Variants in BDKRB2 observed in about 807,000 individuals in gnomAD.
BDKRB2 encodes the protein bradykinin receptor B2, also known as B2 bradykinin receptor.
BDKRB2 carries 6 observed loss-of-function variants against 4.0 expected under a neutral mutation model. The observed-to-expected ratio is 1.49, with a 90% CI of 0.81 to 2.93. The LOEUF (loss-of-function observed/expected upper bound fraction) is 2.93, where lower values mean the gene tolerates loss of function less well. BDKRB2 is among the 30% of genes most tolerant of loss of function. The pLI is 0.00. For synonymous variants in BDKRB2, 225 were observed against 215.3 expected, an observed-to-expected ratio of 1.05 and a Z score of -0.40; for missense variants, 478 against 520.1, an observed-to-expected ratio of 0.92 and a Z score of 0.79.
chr14:96,220,627 C>G (rs1195508209), intron 1 of BDKRB2, among the ~76,000 whole-genome samples: 2 of 150,322 alleles, frequency 1.3e-5, no homozygotes, highest in Admixed American at 6.6e-5. Flanking sequence ...CTCCCCACCC[C>G]CTTTAAGGCC....
At position 96,240,828 on chromosome 14, in the gene BDKRB2, G is replaced by A. The variant is rs201092575; in HGVS notation, c.500G>A (p.Arg167Gln). The A allele has an allele frequency of 2.2e-5, 35 of 1,557,872 alleles. No individual in the cohort carries two copies. The highest frequency in any genetic ancestry group is 6.3e-5 in the South Asian group (5 of 79,930). The change falls in exon 3 of 3, where the codon CGG (arginine) becomes CAG (glutamine). Residue 167 changes from arginine (R) to glutamine (Q), a missense_variant. Coordinates refer to ENST00000554311, the MANE Select transcript of BDKRB2 (RefSeq NM_001379692.1). ...CTGGTGAAAACCATGTCCATGGGCC[G>A]GATGCGCGGCGTGCGCTGGGCCAAG... ...LALVKTMSMG[R>Q]MRGVRWAKLY...
rs1885248769 is a variant in BDKRB2 at position 96,240,517 on chromosome 14, C to T, written c.189C>T (p.Phe63=). 6.3e-7 allele frequency: 1 copy of T among 1,578,476 alleles called. No homozygotes were observed. The highest frequency in any genetic ancestry group is 8.6e-7 in the Non-Finnish European group (1 of 1,163,330). The change falls in exon 3 of 3, where the codon TTC becomes TTT. Residue 63 remains phenylalanine (F), a synonymous_variant. Coordinates refer to ENST00000554311, the MANE Select transcript of BDKRB2 (RefSeq NM_001379692.1). ...LGWLNTIQPP[F]LWVLFVLATL... ...GGCTCAACACCATCCAGCCCCCCTT[C>T]CTCTGGGTGCTGTTCGTGCTGGCCA...
chr14:96,235,886 G>T (rs1027795955), intron 1 of BDKRB2, among the ~76,000 whole-genome samples: 3 of 152,098 alleles, frequency 2.0e-5, no homozygotes, highest in African/African-American at 7.2e-5. Flanking sequence ...ACCCTTCCTA[G>T]ACAGGGGTCA....
intron 1 of BDKRB2, among the ~76,000 whole-genome samples, chr14:96,228,461 G>A (rs374787514): frequency 1.9e-4 from 29 of 152,274 alleles, no homozygotes; most frequent in Admixed American, 5.2e-4. Context: ...GCTCTTAGTC[G>A]GGTGGGGAGC....
Position 96,240,705 on chromosome 14 carries a change from G to C in BDKRB2, c.377G>C (p.Gly126Ala). ...TISNNFDWLF[G>A]ETLCRVVNAI... is the part of the protein sequence containing the mutation. ...TCCAACAACTTCGACTGGCTCTTTG[G>C]GGAGACGCTCTGCCGCGTGGTGAAT... The change falls in exon 3 of 3, where the codon GGG (glycine) becomes GCG (alanine). Residue 126 changes from glycine (G) to alanine (A), a missense_variant. Physicochemically the swap from Gly to Ala is moderately conservative, Grantham distance 60. Transcript: ENST00000554311. The C allele has an allele frequency of 6.2e-7, 1 of 1,601,522 alleles. No individual in the cohort carries two copies. Among genetic ancestry groups the C allele is most frequent in the Non-Finnish European group, 8.5e-7 (1 of 1,174,542 alleles).
Position 96,204,887 on chromosome 14 carries a change from ACGGTG to A in BDKRB2, c.-111_-107del. The A allele has an allele frequency of 2.9e-6, 1 of 346,850 alleles. No individual in the cohort carries two copies. The highest frequency in any genetic ancestry group is 2.1e-5 in the South Asian group (1 of 48,098). The allele number at this position is 346,850 out of a possible 1,614,324, so 21.5% of individuals were successfully genotyped here. A position where few individuals can be genotyped will look rare whatever the true frequency, so the allele number is the denominator to read the frequency against. On this transcript the variant is annotated 5_prime_UTR_variant, in exon 1 of 3. Transcript: ENST00000554311. ...CCGAGGAGGGGTGGGGACGGTGGGG[ACGGTG>A]GGGACATCAGGCTGCCCCGCAGTAC... is the stretch of plus-strand genomic sequence containing the variant.
chr14:96,239,917 C>G (rs1304739881), intron 2 of BDKRB2: 1 of 985,922 alleles, frequency 1.0e-6, no homozygotes, highest in Admixed American at 6.1e-5. Context: ...GGCAGATGGG[C>G]TGGCCATGGT....
intron 1 of BDKRB2, chr14:96,233,742 C>T (rs566451515): frequency 6.6e-6 from 1 of 152,134 alleles, no homozygotes; most frequent in African/African-American, 2.4e-5. Context: ...TCCTGGGAAA[C>T]CAAAACAGGC....
intron 1 of BDKRB2, chr14:96,214,907 T>C (rs1328878459): frequency 2.6e-5 from 4 of 152,170 alleles, no homozygotes; most frequent in Non-Finnish European, 5.9e-5. Context: ...CAGGCTGGGT[T>C]CAGGCTTTTC....
At chr14:96,216,770 G>GGAA (rs1890435628) in intron 1 of BDKRB2, among the ~76,000 whole-genome samples, 1 of 134,048 alleles carries the variant, frequency 7.5e-6, no homozygotes, top group Non-Finnish European at 1.6e-5. Flanking sequence ...GGAGGAGGAA[G>GGAA]GAGGAGGAGG....
At chr14:96,222,299 T>C (rs1890590980) in intron 1 of BDKRB2, among the ~76,000 whole-genome samples, 1 of 152,084 alleles carries the variant, frequency 6.6e-6, no homozygotes, top group South Asian at 2.1e-4. Flanking sequence ...TCGGAAGCTC[T>C]CCCAATCCTG....
In BDKRB2 at chr14:96,237,102, G is replaced by A; in HGVS notation, c.-6G>A. ...TGGCCTCACTCACATCCCACTCTGA[G>A]TCCAAATGTTCTCTCCCTGGAAGAT... On this transcript the variant is annotated 5_prime_UTR_variant, in exon 2 of 3. Transcript: ENST00000554311. 6.2e-7 allele frequency: 1 copy of A among 1,613,032 alleles called. No homozygotes were observed. Among genetic ancestry groups the A allele is most frequent in the Non-Finnish European group, 8.5e-7 (1 of 1,178,984 alleles).
At chr14:96,231,354 C>T (rs1406881606) in intron 1 of BDKRB2, among the ~76,000 whole-genome samples, 1 of 152,158 alleles carries the variant, frequency 6.6e-6, no homozygotes, top group African/African-American at 2.4e-5. Context: ...GAGGTCACTT[C>T]CCAGAACCCC....
rs940937200 is a variant in BDKRB2 at position 96,230,263 on chromosome 14, T to C, written c.-39-6806T>C. Among the ~76,000 whole-genome samples, 4 of 152,282 alleles carry C rather than the reference T, an allele frequency of 2.6e-5. No homozygotes were observed. The East Asian group carries it at 7.7e-4, about 29-fold the overall frequency. On this transcript the variant is annotated intron_variant, in intron 1 of 2. Transcript: ENST00000554311. ...ATGGAGCAACACGGATAAATTCCCA[T>C]GACAGGAGGTTTCATGTAAAACCAC...
At chr14:96,231,111 G>A (rs1243977026) in intron 1 of BDKRB2, among the ~76,000 whole-genome samples, 1 of 152,182 alleles carries the variant, frequency 6.6e-6, no homozygotes, top group East Asian at 1.9e-4. Context: ...AATAAAATAA[G>A]TTCCGGGGTA....
At chr14:96,214,040 G>A (rs1353109392) in intron 1 of BDKRB2, among the ~76,000 whole-genome samples, 1 of 152,180 alleles carries the variant, frequency 6.6e-6, no homozygotes, top group Non-Finnish European at 1.5e-5. Flanking sequence ...CTGGAGAGAT[G>A]GGTAGGAGCA....
At chr14:96,215,672 T>G (rs2139772050) in intron 1 of BDKRB2, among the ~76,000 whole-genome samples, 1 of 152,284 alleles carries the variant, frequency 6.6e-6, no homozygotes, top group South Asian at 2.1e-4. Context: ...ACTAGATTAT[T>G]TTTATGTTGT....
intron 1 of BDKRB2, among the ~76,000 whole-genome samples, chr14:96,216,692 G>A (rs1595250119): frequency 1.6e-5 from 2 of 126,384 alleles, no homozygotes; most frequent in Admixed American, 8.7e-5. Context: ...AGGAGGAGGA[G>A]GAAGGAGGAG....
In BDKRB2 at chr14:96,241,222, C is replaced by T. The variant is rs1330890211; in HGVS notation, c.894C>T (p.Leu298=). 10 of 1,610,762 alleles carry T rather than the reference C, an allele frequency of 6.2e-6. No homozygotes were observed. Among genetic ancestry groups the T allele is most frequent in the South Asian group, 2.2e-5 (2 of 90,640 alleles). ...ISTFLDTLHR[L]GILSSCQDER... is the part of the protein sequence containing the mutation. Reference sequence around the variant, plus strand: ...CCTTCCTGGATACGCTGCATCGCCTCGGCATCCTCTCCAGCTGCCAGGACG... The same window carrying T: ...CCTTCCTGGATACGCTGCATCGCCTTGGCATCCTCTCCAGCTGCCAGGACG... Residue 298 remains leucine (L), a synonymous_variant, in exon 3 of 3, where the codon CTC becomes CTT. Coordinates refer to ENST00000554311, the MANE Select transcript of BDKRB2 (RefSeq NM_001379692.1).
Sources: allele counts gnomAD v4.1 joint callset (sites outside exome capture counted in the v4.1 genomes callset), GRCh38; gene constraint gnomAD v4.1.1; transcripts MANE v1.5; gene names NCBI Gene and HGNC (gene_info 2026-07-23, HGNC 2026-07-21).